Variants in NPHP3 observed in about 807,000 individuals in gnomAD.
NPHP3 encodes the protein nephrocystin-3.
A neutral mutation model predicts 171.9 loss-of-function variants in NPHP3; 123 were observed. The observed-to-expected ratio is 0.72, with a 90% CI of 0.62 to 0.83. The LOEUF (loss-of-function observed/expected upper bound fraction) is 0.83, where lower values mean the gene tolerates loss of function less well. Ranked by LOEUF, NPHP3 falls within the 40% of genes least tolerant of loss-of-function variation. NPHP3 has a pLI of 0.00. For synonymous variants in NPHP3, 558 were observed against 579.2 expected (o/e 0.96, Z 0.52); for missense variants, 1,506 against 1,591.9 (o/e 0.95, Z 0.92).
intron 9 of NPHP3, among the ~76,000 whole-genome samples, chr3:132,702,004 C>G (rs138313560): frequency 6.6e-6 from 1 of 152,016 alleles, no homozygotes; most frequent in South Asian, 2.1e-4. Flanking sequence ...CCAGCCTGGG[C>G]GACAGAGCAA....
At chr3:132,687,963 T>C (rs57252488) in intron 21 of NPHP3, among the ~76,000 whole-genome samples, 1 of 152,094 alleles carries the variant, frequency 6.6e-6, no homozygotes, top group Admixed American at 6.6e-5. Context: ...ATGAAAAAAA[T>C]TTGGCTGTGT....
At chr3:132,703,561 T>C (rs1367096609) in intron 9 of NPHP3, among the ~76,000 whole-genome samples, 1 of 151,544 alleles carries the variant, frequency 6.6e-6, no homozygotes, top group Non-Finnish European at 1.5e-5. Context: ...TTCTTTTTTT[T>C]CTTTTCTTTC....
intron 5 of NPHP3, among the ~76,000 whole-genome samples, chr3:132,714,563 AAAAT>A (rs1408151780): frequency 6.8e-6 from 1 of 147,866 alleles, no homozygotes; most frequent in African/African-American, 2.5e-5. Flanking sequence ...GCAAAAAAAA[AAAAT>A]AAATAAATTA....
In NPHP3 at chr3:132,722,128, G is replaced by A. The variant is rs1284001021; in HGVS notation, c.228C>T (p.Ser76=). ...AGGLLGASFK[S]TGSSVPELEY... Reference sequence around the variant, plus strand: ...CCAGCTCTGGCACCGACGAGCCAGTGGACTTGAAGCTGGCCCCCAGCAGCC... The same window carrying A: ...CCAGCTCTGGCACCGACGAGCCAGTAGACTTGAAGCTGGCCCCCAGCAGCC... Residue 76 remains serine (S), a synonymous_variant, in exon 1 of 27, where the codon TCC becomes TCT. Transcript: ENST00000337331. The A allele has an allele frequency of 1.2e-6, 2 of 1,605,328 alleles. No individual in the cohort carries two copies. The highest frequency in any genetic ancestry group is 1.3e-5 in the African/African-American group (1 of 74,926).
chr3:132,687,182 T>C lies in NPHP3; in HGVS notation c.3170A>G (p.His1057Arg). Residue 1057 changes from histidine to arginine, a missense_variant, in exon 22 of 27, where the codon CAT (histidine) becomes CGT (arginine). Transcript: ENST00000337331. ...EHFRKKSFKI[H>R]QKAIKKKGNL... ...GCCTTTTTTCTTTATAGCTTTCTGA[T>C]GAATTTTAAAGGATTTTTTCCTAAA... is the stretch of plus-strand genomic sequence containing the variant. The C allele has an allele frequency of 6.8e-7, 1 of 1,475,994 alleles. No individual in the cohort carries two copies. 91.4% of individuals were successfully genotyped at this position (1,475,994 alleles called of 1,614,324 possible).
At chr3:132,695,909 G>T (rs1036202938) in intron 15 of NPHP3, among the ~76,000 whole-genome samples, 1 of 152,130 alleles carries the variant, frequency 6.6e-6, no homozygotes, top group African/African-American at 2.4e-5. Context: ...TCTCCAGCCT[G>T]GGCAACAGAG....
intron 18 of NPHP3, 42 bp downstream of exon 18, chr3:132,691,150 G>A (rs770903078): frequency 7.3e-7 from 1 of 1,362,816 alleles, no homozygotes; most frequent in Admixed American, 1.7e-5. Context: ...AAGGTAGTGT[G>A]TTGCAGAAGT....
chr3:132,719,250 G>T, intron 2 of NPHP3, 106 bp from the exon 3 acceptor site: 1 of 895,692 alleles, frequency 1.1e-6, no homozygotes, highest in Non-Finnish European at 1.7e-6. Flanking sequence ...TATTCATTTG[G>T]TCCTCGATTT....
chr3:132,686,030 CAG>C (rs1939151625), intron 23 of NPHP3: 21 of 420,462 alleles, frequency 5.0e-5, no homozygotes, highest in South Asian at 4.5e-4. Flanking sequence ...GCCTGGGCAA[CAG>C]AGCGAGACTC....
intron 1 of NPHP3, among the ~76,000 whole-genome samples, chr3:132,721,090 G>C (rs1450737530): frequency 1.3e-5 from 2 of 151,766 alleles, no homozygotes; most frequent in African/African-American, 2.4e-5. Context: ...GCTAATTTTT[G>C]TATTTTTAGT....
Position 132,720,948 on chromosome 3 carries a change from C to T in NPHP3, c.393+1015G>A, listed in dbSNP as rs540700423. 4.6e-5 allele frequency among the ~76,000 whole-genome samples: 7 copies of T among 151,940 alleles called. No individual in the cohort carries two copies. In the East Asian group the frequency reaches 9.7e-4, roughly 21 times the overall value. ...TTTTTTTTTTTTTGATACGGAGTCTCGCTCTGTCACCCAAGCTGGAGTGCA... is the reference window on the plus strand; with the variant it reads ...TTTTTTTTTTTTTGATACGGAGTCTTGCTCTGTCACCCAAGCTGGAGTGCA... On this transcript the variant is annotated intron_variant, in intron 1 of 26. Transcript: ENST00000337331.
chr3:132,684,674 C>CTGT lies in NPHP3; in HGVS notation c.3447_3449dup (p.Gln1150dup), dbSNP rs779803619. 21 of 1,613,996 alleles carry CTGT rather than the reference C, an allele frequency of 1.3e-5. No individual in the cohort carries two copies. The Admixed American group carries it at 3.5e-4, about 27-fold the overall frequency. ...CATAAAGTTCTTCTGCTTTATCATACTGTTTCTTTTCATTGCATAGAGCTG... is the reference window on the plus strand; with the variant it reads ...CATAAAGTTCTTCTGCTTTATCATACTGTTGTTTCTTTTCATTGCATAGAGCTG... On this transcript the variant is annotated inframe_insertion, in exon 24 of 27. Transcript: ENST00000337331.
intron 6 of NPHP3, among the ~76,000 whole-genome samples, chr3:132,708,528 A>T (rs1023458128): frequency 1.3e-5 from 2 of 152,264 alleles, no homozygotes; most frequent in African/African-American, 2.4e-5. Context: ...TTTATTTTTT[A>T]AACCTAAAAA....
intron 17 of NPHP3, among the ~76,000 whole-genome samples, 193 bp downstream of exon 17, chr3:132,692,461 C>A (rs112620811): frequency 6.7e-6 from 1 of 148,844 alleles, no homozygotes; most frequent in African/African-American, 2.5e-5. Flanking sequence ...GACCACTTAA[C>A]GTGAGATCTA....
intron 18 of NPHP3, 29 bp from the exon 19 acceptor site, chr3:132,690,679 T>C: frequency 6.2e-7 from 1 of 1,612,398 alleles, no homozygotes; most frequent in Non-Finnish European, 8.5e-7. Flanking sequence ...CAATATTCAA[T>C]ATCTTCCTAC....
intron 17 of NPHP3, among the ~76,000 whole-genome samples, chr3:132,692,260 C>T (rs1939318160): frequency 6.6e-6 from 1 of 152,128 alleles, no homozygotes; most frequent in African/African-American, 2.4e-5. Flanking sequence ...GATACAATCA[C>T]CTAATGATGT....
At position 132,699,363 on chromosome 3, in the gene NPHP3, G is replaced by A. The variant is rs1007912862; in HGVS notation, c.1975C>T (p.Pro659Ser). The change falls in exon 13 of 27, where the codon CCA becomes TCA. Residue 659 changes from proline to serine, a missense_variant. Transcript: ENST00000337331. ...IVSVNVETCP[P>S]AWRLWPTLHL... Reference sequence around the variant, plus strand: ...AAGTTGGCATCGTACCTCCATGCTGGAGGGCATGTTTCTACATTCACAGAA... The same window carrying A: ...AAGTTGGCATCGTACCTCCATGCTGAAGGGCATGTTTCTACATTCACAGAA... 3.1e-6 allele frequency: 5 copies of A among 1,609,020 alleles called. No individual in the cohort carries two copies. The South Asian group carries it at 4.4e-5, about 14-fold the overall frequency.
At chr3:132,696,607 T>A in intron 15 of NPHP3, 124 bp downstream of exon 15, 1 of 824,932 alleles carries the variant, frequency 1.2e-6, no homozygotes, top group Non-Finnish European at 2.1e-6. Flanking sequence ...GTATCACTAT[T>A]CAAATAAAAT....
chr3:132,683,347 T>A, intron 25 of NPHP3, 52 bp downstream of exon 25: 1 of 1,526,944 alleles, frequency 6.5e-7, no homozygotes, highest in Non-Finnish European at 9.1e-7. Context: ...TTTACCTATG[T>A]TTTATACCAT....
Sources: gnomAD v4.1 joint callset for allele counts (sites outside exome capture counted in the v4.1 genomes callset) on GRCh38, gnomAD v4.1.1 for gene constraint, MANE v1.5 for transcripts, NCBI Gene and HGNC (gene_info 2026-07-23, HGNC 2026-07-21) for gene names.